Variants in PRAG1 observed in about 807,000 individuals in gnomAD.
The protein encoded by PRAG1 is PEAK1 related, kinase-activating pseudokinase 1.
Under a neutral mutation model 95.6 loss-of-function variants are expected in PRAG1, and 110 were observed. That is an observed-to-expected ratio of 1.15 (90% CI 0.99 to 1.35). PRAG1 has a LOEUF of 1.35. PRAG1 is among the 40% of genes most tolerant of loss of function. The probability of loss-of-function intolerance (pLI) is 0.00; values close to 1 mark genes in which losing one functional copy is unlikely to be tolerated. For synonymous variants in PRAG1, 1,052 were observed against 819.4 expected, an observed-to-expected ratio of 1.28 and a Z score of -4.85; for missense variants, 2,554 against 1,864.7, an observed-to-expected ratio of 1.37 and a Z score of -6.81.
chr8:8,328,037 G>A lies in PRAG1; in HGVS notation c.2745C>T (p.Ala915=). The change falls in exon 5 of 6, where the codon GCC becomes GCT. Residue 915 remains alanine (A), a synonymous_variant. Transcript: ENST00000615670. ...CGSPGLQCKG[A]PSASSSQLSV... ...TCAGCTGGGAGGATGAGGCGGAGGGGGCCCCTTTGCACTGGAGGCCAGGGC... is the reference window on the plus strand; with the variant it reads ...TCAGCTGGGAGGATGAGGCGGAGGGAGCCCCTTTGCACTGGAGGCCAGGGC... 6.3e-7 allele frequency: 1 copy of A among 1,584,720 alleles called. No individual in the cohort carries two copies. Among genetic ancestry groups the A allele is most frequent in the Non-Finnish European group, 8.6e-7 (1 of 1,164,820 alleles).
chr8:8,336,467 C>A (rs913081211), intron 4 of PRAG1, among the ~76,000 whole-genome samples: 1 of 152,120 alleles, frequency 6.6e-6, no homozygotes, highest in South Asian at 2.1e-4. Flanking sequence ...ACAACTGCTT[C>A]GACAAATTTT....
chr8:8,349,266 C>CTAAT (rs1554506935), intron 3 of PRAG1, among the ~76,000 whole-genome samples: 82 of 149,242 alleles, frequency 5.5e-4, no homozygotes, highest in Admixed American at 1.3e-3. Flanking sequence ...ATCTATCTAT[C>CTAAT]TATTTATTTA....
intron 4 of PRAG1, among the ~76,000 whole-genome samples, chr8:8,336,461 C>T (rs976448929): frequency 6.6e-6 from 1 of 152,210 alleles, no homozygotes; most frequent in African/African-American, 2.4e-5. Context: ...AACCAAACAA[C>T]TGCTTCGACA....
At chr8:8,335,652 G>C (rs1798962259) in intron 4 of PRAG1, among the ~76,000 whole-genome samples, 1 of 152,128 alleles carries the variant, frequency 6.6e-6, no homozygotes, top group African/African-American at 2.4e-5. Flanking sequence ...TGATATTATA[G>C]CTCAGGCCAC....
intron 4 of PRAG1, among the ~76,000 whole-genome samples, chr8:8,337,955 C>G (rs1047427146): frequency 5.3e-5 from 8 of 152,160 alleles, no homozygotes; most frequent in African/African-American, 1.9e-4. Context: ...ATCCTTCTCC[C>G]ACATGCACTG....
At chr8:8,379,779 C>T (rs1212594959) in intron 2 of PRAG1, among the ~76,000 whole-genome samples, 1 of 152,192 alleles carries the variant, frequency 6.6e-6, no homozygotes, top group Admixed American at 6.5e-5. Flanking sequence ...GGGCTATGTG[C>T]CCTCTGAGTT....
intron 3 of PRAG1, among the ~76,000 whole-genome samples, chr8:8,375,926 T>C (rs895905495): frequency 6.6e-6 from 1 of 152,096 alleles, no homozygotes; most frequent in African/African-American, 2.4e-5. Context: ...CTGAAGACAC[T>C]TCAGAGAACT....
At chr8:8,333,095 C>G (rs1798873840) in intron 4 of PRAG1, among the ~76,000 whole-genome samples, 1 of 152,224 alleles carries the variant, frequency 6.6e-6, no homozygotes. Flanking sequence ...CTAACTCAGA[C>G]ACATCCTGGT....
rs1800495318 is a variant in PRAG1, at chr8:8,378,074, A to G, written c.335T>C (p.Ile112Thr). The change falls in exon 3 of 6, where the codon ATC (isoleucine) becomes ACC (threonine). Residue 112 changes from isoleucine to threonine, a missense_variant. Transcript: ENST00000615670. ...ANLSAEVSQVIWRRAPGKLPL... is the reference protein window; with the variant it reads ...ANLSAEVSQVTWRRAPGKLPL... The stretch of plus-strand genomic sequence containing the variant: ...GAGCTTGCCAGGGGCTCGTCTCCAG[A>G]TGACCTACACACAAGCCCAACGCAA... 1.3e-6 allele frequency: 2 copies of G among 1,533,596 alleles called. No homozygotes were observed. Among genetic ancestry groups the G allele is most frequent in the African/African-American group, 1.4e-5 (1 of 72,260 alleles). 95.0% of individuals were successfully genotyped at this position (1,533,596 alleles called of 1,614,324 possible).
rs571947491 is a variant in PRAG1, at chr8:8,343,186, A to C, written c.2163-3551T>G. 9.2e-5 allele frequency among the ~76,000 whole-genome samples: 14 copies of C among 152,076 alleles called. No individual in the cohort carries two copies. The South Asian group carries it at 2.9e-3, about 31-fold the overall frequency. On this transcript the variant is annotated intron_variant, in intron 3 of 5. Coordinates refer to ENST00000615670, the MANE Select transcript of PRAG1 (RefSeq NM_001080826.3). ...TGAATGATCAGATTGTAAATAAAACAAGATTTCATTTCATACCCATCAGAT... is the reference window on the plus strand; with the variant it reads ...TGAATGATCAGATTGTAAATAAAACCAGATTTCATTTCATACCCATCAGAT...
At chr8:8,354,618 G>C (rs1395896942) in intron 3 of PRAG1, among the ~76,000 whole-genome samples, 1 of 152,152 alleles carries the variant, frequency 6.6e-6, no homozygotes, top group Non-Finnish European at 1.5e-5. Flanking sequence ...TGCAAGGCTG[G>C]TTTGGCATAT....
chr8:8,338,833 A>C lies in PRAG1; in HGVS notation c.2320+645T>G, dbSNP rs114295605. Reference sequence around the variant, plus strand: ...AACGCAAGTCTAAGAGAAACGCAGGAGAGGACACATACACAAAGAATGCTG... The same window carrying C: ...AACGCAAGTCTAAGAGAAACGCAGGCGAGGACACATACACAAAGAATGCTG... On this transcript the variant is annotated intron_variant, in intron 4 of 5. Coordinates refer to ENST00000615670, the MANE Select transcript of PRAG1 (RefSeq NM_001080826.3). Among the ~76,000 whole-genome samples the C allele has an allele frequency of 8.3e-3, 1,261 of 152,324 alleles. 12 individuals carry two copies. Among genetic ancestry groups the C allele is most frequent in the African/African-American group, 0.029 (1,216 of 41,572 alleles).
intron 3 of PRAG1, among the ~76,000 whole-genome samples, chr8:8,369,979 C>A (rs938234098): frequency 2.0e-5 from 3 of 152,168 alleles, no homozygotes; most frequent in African/African-American, 7.2e-5. Context: ...AGGAACAGAA[C>A]CCCAGTAACT....
At chr8:8,330,383 G>C (rs1474306691) in intron 4 of PRAG1, among the ~76,000 whole-genome samples, 1 of 152,180 alleles carries the variant, frequency 6.6e-6, no homozygotes, top group Non-Finnish European at 1.5e-5. Flanking sequence ...TGAAATTCAA[G>C]AGGGAGCACC....
rs541361948 is a variant in PRAG1, at chr8:8,356,197, T to C, written c.2163-16562A>G. ...TGTTCAACATCACTAATCAGGGAAA[T>C]GCAAATTTAAACCACTGTGAGATAT... is the stretch of plus-strand genomic sequence containing the variant. On this transcript the variant is annotated intron_variant, in intron 3 of 5. Coordinates refer to ENST00000615670, the MANE Select transcript of PRAG1 (RefSeq NM_001080826.3). Among the ~76,000 whole-genome samples the C allele has an allele frequency of 3.7e-4, 56 of 152,196 alleles. 1 individual carries two copies. The Middle Eastern group carries it at 0.024, about 65-fold the overall frequency.
At chr8:8,374,654 C>T (rs1387369777) in intron 3 of PRAG1, 1 of 985,280 alleles carries the variant, frequency 1.0e-6, no homozygotes, top group Admixed American at 6.1e-5. Context: ...CTCATCTTAG[C>T]TGCTGAATCT....
chr8:8,334,586 A>G (rs977080539), intron 4 of PRAG1, among the ~76,000 whole-genome samples: 2 of 151,454 alleles, frequency 1.3e-5, no homozygotes, highest in African/African-American at 4.9e-5. Context: ...TAATCATCCC[A>G]GGAAACAATA....
chr8:8,353,014 G>T (rs901307364), intron 3 of PRAG1, among the ~76,000 whole-genome samples: 1 of 152,038 alleles, frequency 6.6e-6, no homozygotes, highest in Non-Finnish European at 1.5e-5. Context: ...TTATCAAGAG[G>T]ACACAACAAT....
chr8:8,319,231 C>G lies in PRAG1; in HGVS notation c.3144G>C (p.Gln1048His), dbSNP rs199656487. The part of the protein sequence containing the change: ...SPSVPVHFNI[Q>H]QDCGHFVASV... The stretch of plus-strand genomic sequence containing the variant: ...AGGCGACGAAGTGGCCGCAGTCCTG[C>G]TGGATGTTAAAGTGCACGGGCACGG... Residue 1048 changes from glutamine to histidine, a missense_variant, in exon 6 of 6, where the codon CAG becomes CAC. Coordinates refer to ENST00000615670, the MANE Select transcript of PRAG1 (RefSeq NM_001080826.3). 6.4e-7 allele frequency: 1 copy of G among 1,568,684 alleles called. No individual in the cohort carries two copies. The highest frequency in any genetic ancestry group is 8.7e-7 in the Non-Finnish European group (1 of 1,152,494).
Sources: gnomAD v4.1 joint callset for allele counts (sites outside exome capture counted in the v4.1 genomes callset) on GRCh38, gnomAD v4.1.1 for gene constraint, MANE v1.5 for transcripts, NCBI Gene and HGNC (gene_info 2026-07-23, HGNC 2026-07-21) for gene names.